UBQLN1: variants seen among roughly 807,000 people sequenced by gnomAD.
The protein encoded by UBQLN1 is ubiquilin 1, also known as ubiquilin-1.
In UBQLN1, 13 loss-of-function variants were observed where a neutral mutation model predicts 65.4. The ratio of observed to expected loss-of-function variants is 0.20; its 90% CI spans 0.13 to 0.32. The LOEUF is 0.32. Among genes scored for constraint, UBQLN1 ranks in the 10% least tolerant of loss-of-function variants. The pLI is 1.00. For synonymous variants in UBQLN1, 267 were observed against 247.8 expected, an observed-to-expected ratio of 1.08 and a Z score of -0.73; for missense variants, 561 against 724.0, an observed-to-expected ratio of 0.77 and a Z score of 2.58.
At position 83,685,988 on chromosome 9, in the gene UBQLN1, T is replaced by C; in HGVS notation, c.332+16A>G. 1 of 1,590,316 alleles carries C rather than the reference T, an allele frequency of 6.3e-7. No individual in the cohort carries two copies. Among genetic ancestry groups the C allele is most frequent in the South Asian group, 1.1e-5 (1 of 87,298 alleles). ...TTATCCACAATTTTAAAGCTGTACA[T>C]CTTCCAAAACCATACCTGTTTTGTG... On this transcript the variant is annotated intron_variant, in intron 2 of 10. Transcript: ENST00000376395.
At chr9:83,681,569 A>G (rs970927790) in intron 3 of UBQLN1, among the ~76,000 whole-genome samples, 1 of 152,228 alleles carries the variant, frequency 6.6e-6, no homozygotes, top group African/African-American at 2.4e-5. Context: ...AAACGTGAAG[A>G]AGGTTAGGAG....
intron 1 of UBQLN1, among the ~76,000 whole-genome samples, chr9:83,688,875 G>C (rs751267435): frequency 8.1e-5 from 12 of 148,056 alleles, no homozygotes; most frequent in Middle Eastern, 6.9e-3. Context: ...AAAAAAAAAA[G>C]ACATGCATCT....
chr9:83,683,642 T>C (rs1831988295), intron 2 of UBQLN1, among the ~76,000 whole-genome samples: 1 of 152,194 alleles, frequency 6.6e-6, no homozygotes, highest in Non-Finnish European at 1.5e-5. Flanking sequence ...TTCAATCATA[T>C]TGCTTATGTA....
At chr9:83,662,031 C>A (rs1392959033) in intron 10 of UBQLN1, 92 bp from the exon 11 acceptor site, 46 of 1,189,908 alleles carry the variant, frequency 3.9e-5, no homozygotes, top group Non-Finnish European at 5.2e-5. Context: ...TTTTTTATAA[C>A]ATATGCTGAT....
At chr9:83,694,291 A>T (rs1832173897) in intron 1 of UBQLN1, among the ~76,000 whole-genome samples, 1 of 152,206 alleles carries the variant, frequency 6.6e-6, no homozygotes, top group African/African-American at 2.4e-5. Context: ...ACTGTATTCA[A>T]ATCTTTGCTA....
At chr9:83,675,270 C>G (rs1279879434) in intron 6 of UBQLN1, among the ~76,000 whole-genome samples, 2 of 152,124 alleles carry the variant, frequency 1.3e-5, no homozygotes, top group African/African-American at 4.8e-5. Context: ...ACTACCCTGC[C>G]AACCCTCCAA....
intron 3 of UBQLN1, 23 bp downstream of exon 3, chr9:83,682,928 C>T: frequency 2.1e-6 from 3 of 1,455,112 alleles, no homozygotes; most frequent in Non-Finnish European, 2.9e-6. Flanking sequence ...CCCATCCCTA[C>T]TGGAATGACT....
At position 83,666,337 on chromosome 9, in the gene UBQLN1, T is replaced by C; in HGVS notation, c.1332+13A>G. The C allele has an allele frequency of 8.1e-6, 13 of 1,612,976 alleles. No individual in the cohort carries two copies. Among genetic ancestry groups the C allele is most frequent in the Non-Finnish European group, 1.0e-5 (12 of 1,179,078 alleles). ...ATCATTACCCAAGATAGCTAACATC[T>C]TGTCTTACTCACTTGTTGGAGGAAA... On this transcript the variant is annotated intron_variant, in intron 8 of 10. Coordinates refer to ENST00000376395, the MANE Select transcript of UBQLN1 (RefSeq NM_013438.5).
chr9:83,672,032 C>T (rs919887659), intron 6 of UBQLN1, among the ~76,000 whole-genome samples: 1 of 152,214 alleles, frequency 6.6e-6, no homozygotes, highest in Non-Finnish European at 1.5e-5. Context: ...ATGGAGTTGG[C>T]TTCTTTCCTT....
At position 83,682,988 on chromosome 9, in the gene UBQLN1, A is replaced by G; in HGVS notation, c.411T>C (p.Ser137=). 6.2e-7 allele frequency: 1 copy of G among 1,612,622 alleles called. No individual in the cohort carries two copies. The highest frequency in any genetic ancestry group is 8.5e-7 in the Non-Finnish European group (1 of 1,179,470). Residue 137 remains serine, a synonymous_variant, in exon 3 of 11, where the codon TCT becomes TCC. Transcript: ENST00000376395. ...VTTSSTPNSN[S]TSGSATSNPF... Reference sequence around the variant, plus strand: ...GGTTGCTAGTAGCAGAACCAGATGTAGAGTTACTATTAGGAGTTGATGATG... The same window carrying G: ...GGTTGCTAGTAGCAGAACCAGATGTGGAGTTACTATTAGGAGTTGATGATG...
chr9:83,703,367 TAC>T (rs796497687), intron 1 of UBQLN1, among the ~76,000 whole-genome samples: 6 of 152,294 alleles, frequency 3.9e-5, no homozygotes, highest in African/African-American at 1.4e-4. Flanking sequence ...GTTCAATGTA[TAC>T]AGTTTGTTTC....
At chr9:83,701,355 T>C (rs1481738030) in intron 1 of UBQLN1, among the ~76,000 whole-genome samples, 4 of 152,208 alleles carry the variant, frequency 2.6e-5, no homozygotes, top group Non-Finnish European at 4.4e-5. Flanking sequence ...TCTGTTGTCA[T>C]ATCCCACACC....
Position 83,661,218 on chromosome 9 carries a change from A to G in UBQLN1, c.*569T>C, listed in dbSNP as rs1831556832. ...TACTCAGCTTTAAGAGTATTTTCTT[A>G]TCTTCACTTTTTTAGTTACAGGTGT... On this transcript the variant is annotated 3_prime_UTR_variant, in exon 11 of 11. Coordinates refer to ENST00000376395, the MANE Select transcript of UBQLN1 (RefSeq NM_013438.5). 6.5e-6 allele frequency: 1 copy of G among 152,884 alleles called. No individual in the cohort carries two copies. Among genetic ancestry groups the G allele is most frequent in the South Asian group, 2.1e-4 (1 of 4,828 alleles). 9.5% of individuals were successfully genotyped at this position (152,884 alleles called of 1,614,324 possible).
chr9:83,678,399 A>C (rs769579173), intron 5 of UBQLN1, 42 bp downstream of exon 5: 2 of 1,569,588 alleles, frequency 1.3e-6, no homozygotes, highest in Non-Finnish European at 1.7e-6. Context: ...GTGTTAAAAC[A>C]GAAGCTACTC....
intron 10 of UBQLN1, among the ~76,000 whole-genome samples, chr9:83,662,273 T>TACACACACAC (rs370539805): frequency 5.4e-4 from 78 of 143,430 alleles, no homozygotes; most frequent in South Asian, 2.5e-3. Context: ...CATATACATA[T>TACACACACAC]ACACACACAC....
chr9:83,686,370 T>TG (rs1564168236), intron 1 of UBQLN1, among the ~76,000 whole-genome samples: 1 of 152,040 alleles, frequency 6.6e-6, no homozygotes, highest in African/African-American at 2.4e-5. Flanking sequence ...CCAGCCTGGG[T>TG]GACAGAGTGA....
chr9:83,667,788 T>A, intron 7 of UBQLN1: 6 of 973,230 alleles, frequency 6.2e-6, no homozygotes, highest in Non-Finnish European at 7.3e-6. Context: ...CAAGAGTCTT[T>A]TTAAATATTT....
intron 6 of UBQLN1, among the ~76,000 whole-genome samples, chr9:83,674,689 C>T (rs909364100): frequency 1.3e-5 from 2 of 152,134 alleles, no homozygotes; most frequent in South Asian, 2.1e-4. Context: ...TTAAAAACAA[C>T]GCAAATGATT....
rs573770972 is a variant in UBQLN1, at chr9:83,701,343, C to T, written c.180+6157G>A. Among the ~76,000 whole-genome samples, 21 of 152,246 alleles carry T rather than the reference C, an allele frequency of 1.4e-4. No homozygotes were observed. The South Asian group carries it at 1.7e-3, about 12-fold the overall frequency. Reference sequence around the variant, plus strand: ...GTAATAGAAGACAGCTGGATTTTCACATCTGTTGTCATATCCCACACCTTA... The same window carrying T: ...GTAATAGAAGACAGCTGGATTTTCATATCTGTTGTCATATCCCACACCTTA... On this transcript the variant is annotated intron_variant, in intron 1 of 10. Transcript: ENST00000376395.
Sources: gnomAD v4.1 joint callset for allele counts (sites outside exome capture counted in the v4.1 genomes callset) on GRCh38, gnomAD v4.1.1 for gene constraint, MANE v1.5 for transcripts, NCBI Gene and HGNC (gene_info 2026-07-23, HGNC 2026-07-21) for gene names.